Variants in ZNF540 observed in about 807,000 individuals in gnomAD.
The protein encoded by ZNF540 is CTD-3064H18.6.
A neutral mutation model predicts 11.8 loss-of-function variants in ZNF540; 3 were observed. The observed-to-expected ratio is 0.25, with a 90% confidence interval of 0.12 to 0.65. The LOEUF (loss-of-function observed/expected upper bound fraction) is 0.65, where lower values mean the gene tolerates loss of function less well. ZNF540 is among the 30% of genes least tolerant of loss of function. The pLI is 0.83. For missense variants in ZNF540, 709 were observed against 793.1 expected (o/e 0.89, Z 1.27); for synonymous variants, 247 against 259.0 (o/e 0.95, Z 0.45).
At chr19:37,579,627 T>C (rs1038552490) in intron 1 of ZNF540, among the ~76,000 whole-genome samples, 2 of 152,190 alleles carry the variant, frequency 1.3e-5, no homozygotes, top group African/African-American at 4.8e-5. Flanking sequence ...CCTCTGAAGA[T>C]CTTACCATTT....
intron 1 of ZNF540, among the ~76,000 whole-genome samples, chr19:37,558,067 G>T (rs2042679564): frequency 6.6e-6 from 1 of 152,164 alleles, no homozygotes; most frequent in African/African-American, 2.4e-5. Context: ...GAGGGCTAAA[G>T]CAGGGGCTTC....
At chr19:37,584,104 C>T (rs2043574959) in intron 1 of ZNF540, 1 of 1,613,902 alleles carries the variant, frequency 6.2e-7, no homozygotes, top group Non-Finnish European at 8.5e-7. Flanking sequence ...ACAACTGAAA[C>T]AACAAATCCA....
At chr19:37,610,525 G>A (rs777910549) in intron 4 of ZNF540, among the ~76,000 whole-genome samples, 2 of 152,224 alleles carry the variant, frequency 1.3e-5, no homozygotes, top group African/African-American at 2.4e-5. Flanking sequence ...TTCTGTGTAA[G>A]AGATATTTAA....
chr19:37,564,665 CATGTATA>C, intron 1 of ZNF540: 1 of 1,612,228 alleles, frequency 6.2e-7, no homozygotes, highest in Non-Finnish European at 8.5e-7. Context: ...ACACTGGACA[CATGTATA>C]GGGTTTCTCA....
intron 3 of ZNF540, among the ~76,000 whole-genome samples, chr19:37,600,733 A>AACT (rs1172727892): frequency 1.3e-5 from 2 of 152,184 alleles, no homozygotes; most frequent in Non-Finnish European, 2.9e-5. Context: ...TGCCCTCAAT[A>AACT]ACTACTGCCT....
intron 1 of ZNF540, among the ~76,000 whole-genome samples, chr19:37,556,469 C>T (rs1321128499): frequency 1.3e-5 from 2 of 152,162 alleles, no homozygotes; most frequent in East Asian, 3.9e-4. Context: ...TGCCGTCCAC[C>T]TTCAGAGCCA....
At chr19:37,571,205 T>G (rs1045373152) in intron 1 of ZNF540, among the ~76,000 whole-genome samples, 2 of 152,016 alleles carry the variant, frequency 1.3e-5, no homozygotes, top group Non-Finnish European at 2.9e-5. Context: ...CCTTACAAAT[T>G]CAAACTACGA....
In ZNF540 at chr19:37,589,296, A is replaced by G. The variant is rs558614565; in HGVS notation, c.-72-9080A>G. On this transcript the variant is annotated intron_variant, in intron 1 of 4. Coordinates refer to the ZNF540 transcript ENST00000592533. The stretch of plus-strand genomic sequence containing the variant: ...GGGGAAAATTCTGTATCTCACAATC[A>G]TATGAATAAATGTTCCTACATTTAA... Among the ~76,000 whole-genome samples, 8 of 152,202 alleles carry G rather than the reference A, an allele frequency of 5.3e-5. No homozygotes were observed. In the South Asian group the frequency reaches 1.7e-3, roughly 32 times the overall value.
intron 4 of ZNF540, among the ~76,000 whole-genome samples, chr19:37,602,776 A>G (rs1442020952): frequency 6.6e-6 from 1 of 152,176 alleles, no homozygotes; most frequent in Non-Finnish European, 1.5e-5. Context: ...ACTGAACTGT[A>G]AACTGCCTAT....
chr19:37,610,810 G>T (rs968011064), intron 4 of ZNF540, among the ~76,000 whole-genome samples: 2 of 152,042 alleles, frequency 1.3e-5, no homozygotes, highest in Non-Finnish European at 2.9e-5. Context: ...GTTAAGTGGA[G>T]ATTCTCAAAC....
chr19:37,575,790 G>C (rs1023838496), intron 1 of ZNF540: 4 of 152,102 alleles, frequency 2.6e-5, no homozygotes, highest in African/African-American at 9.7e-5. Context: ...TCACGGACTT[G>C]ATGCAATAAA....
At chr19:37,580,699 T>C (rs1305432825) in intron 1 of ZNF540, among the ~76,000 whole-genome samples, 1 of 152,102 alleles carries the variant, frequency 6.6e-6, no homozygotes, top group Non-Finnish European at 1.5e-5. Flanking sequence ...AGCTGGTTTT[T>C]AAAAAAGCCT....
At chr19:37,583,615 T>C (rs2043554011) in intron 1 of ZNF540, 1 of 171,242 alleles carries the variant, frequency 5.8e-6, no homozygotes, top group African/African-American at 2.4e-5. Context: ...TGTCTTTATG[T>C]CATGGTTCTC....
chr19:37,553,712 T>TTA (rs2042632145), intron 1 of ZNF540, among the ~76,000 whole-genome samples: 1 of 71,418 alleles, frequency 1.4e-5, no homozygotes, highest in Non-Finnish European at 2.7e-5. Context: ...GTTTTACATA[T>TTA]TATACCCTAT....
At chr19:37,572,002 G>GGAGTAATGT (rs1555717228) in intron 1 of ZNF540, among the ~76,000 whole-genome samples, 29 of 9,814 alleles carry the variant, frequency 3.0e-3, no homozygotes, top group African/African-American at 0.013. Flanking sequence ...TATCCAAATA[G>GGAGTAATGT]ACTATATGGC....
chr19:37,590,088 G>C (rs892990652), upstream of ZNF540, among the ~76,000 whole-genome samples: 2 of 115,486 alleles, frequency 1.7e-5, no homozygotes, highest in Non-Finnish European at 3.5e-5. Flanking sequence ...ATTTTGGATT[G>C]GACGCCAGAT....
chr19:37,604,234 T>G (rs1191058658), intron 4 of ZNF540, among the ~76,000 whole-genome samples: 1 of 150,530 alleles, frequency 6.6e-6, no homozygotes, highest in Non-Finnish European at 1.5e-5. Flanking sequence ...AAATTTTTTA[T>G]TCTGGAATAT....
At chr19:37,600,055 G>A (rs1405035652) in intron 3 of ZNF540, among the ~76,000 whole-genome samples, 1 of 152,148 alleles carries the variant, frequency 6.6e-6, no homozygotes, top group African/African-American at 2.4e-5. Flanking sequence ...ATGAAATCAG[G>A]TTTCACATTG....
chr19:37,568,439 T>C (rs900074824), intron 1 of ZNF540, among the ~76,000 whole-genome samples: 1 of 151,984 alleles, frequency 6.6e-6, no homozygotes, highest in Non-Finnish European at 1.5e-5. Context: ...ATATGGTTTA[T>C]AAAACACTGA....
Sources: allele counts gnomAD v4.1 joint callset (sites outside exome capture counted in the v4.1 genomes callset), GRCh38; gene constraint gnomAD v4.1.1; transcripts MANE v1.5; gene names NCBI Gene and HGNC (gene_info 2026-07-23, HGNC 2026-07-21).